ASCC3: variants seen among roughly 807,000 people sequenced by gnomAD.
ASCC3 encodes activating signal cointegrator 1 complex subunit 3.
Under a neutral mutation model 256.3 loss-of-function variants are expected in ASCC3, and 158 were observed. The ratio of observed to expected loss-of-function variants is 0.62; its 90% CI spans 0.54 to 0.70. The LOEUF is 0.70. Ranked by LOEUF, ASCC3 falls within the 30% of genes least tolerant of loss-of-function variation. The probability of loss-of-function intolerance (pLI) is 0.00; values close to 1 mark genes in which losing one functional copy is unlikely to be tolerated. For synonymous variants in ASCC3, 948 were observed against 883.4 expected, an observed-to-expected ratio of 1.07 and a Z score of -1.30; for missense variants, 2,259 against 2,626.0, an observed-to-expected ratio of 0.86 and a Z score of 3.05.
chr6:100,527,979 G>GT, intron 37 of ASCC3, among the ~76,000 whole-genome samples: 1 of 151,816 alleles, frequency 6.6e-6, no homozygotes, highest in South Asian at 2.1e-4. Context: ...GGGTCTACAG[G>GT]TGAGTGCCAC....
At chr6:100,547,644 T>C (rs867650902) in intron 36 of ASCC3, among the ~76,000 whole-genome samples, 11 of 151,920 alleles carry the variant, frequency 7.2e-5, no homozygotes, top group Middle Eastern at 3.4e-3. Flanking sequence ...ACATAGCAAG[T>C]GTTGGAGAGA....
At chr6:100,620,051 G>C (rs948776000) in intron 30 of ASCC3, among the ~76,000 whole-genome samples, 4 of 152,116 alleles carry the variant, frequency 2.6e-5, no homozygotes, top group Admixed American at 6.6e-5. Flanking sequence ...ATGAGTTTGA[G>C]GAGTGAAAGG....
chr6:100,686,352 T>C (rs935571372), intron 13 of ASCC3, among the ~76,000 whole-genome samples: 2 of 152,158 alleles, frequency 1.3e-5, no homozygotes, highest in African/African-American at 4.8e-5. Flanking sequence ...ATGTGCACAA[T>C]GTCTCTACCA....
chr6:100,728,365 G>A (rs1421370642), intron 10 of ASCC3, among the ~76,000 whole-genome samples: 1 of 151,932 alleles, frequency 6.6e-6, no homozygotes, highest in Non-Finnish European at 1.5e-5. Flanking sequence ...AGGATGTAGA[G>A]CAACTAGAAC....
At position 100,585,479 on chromosome 6, in the gene ASCC3, G is replaced by T. The variant is rs909747346; in HGVS notation, c.5550+4155C>A. ...TATTGGTTATTCTAGTTATACATTCGTCTAAATTTTTTTCAAAGTTTTCAG... is the reference window on the plus strand; with the variant it reads ...TATTGGTTATTCTAGTTATACATTCTTCTAAATTTTTTTCAAAGTTTTCAG... On this transcript the variant is annotated intron_variant, in intron 36 of 41. Transcript: ENST00000369162. Among the ~76,000 whole-genome samples, 116 of 152,110 alleles carry T rather than the reference G, an allele frequency of 7.6e-4. 2 individuals carry two copies. Among genetic ancestry groups the T allele is most frequent in the South Asian group, 4.8e-3 (23 of 4,816 alleles).
At chr6:100,547,883 T>A (rs896317682) in intron 36 of ASCC3, among the ~76,000 whole-genome samples, 1 of 151,016 alleles carries the variant, frequency 6.6e-6, no homozygotes, top group East Asian at 1.9e-4. Context: ...GAAAAAAAAA[T>A]CAGAAAAAAA....
intron 3 of ASCC3, among the ~76,000 whole-genome samples, chr6:100,852,858 T>C (rs1218438343): frequency 6.6e-6 from 1 of 152,086 alleles, no homozygotes; most frequent in Non-Finnish European, 1.5e-5. Context: ...AACTGTAATA[T>C]ATTTAAAAGG....
chr6:100,630,562 A>G (rs7356804), intron 26 of ASCC3, among the ~76,000 whole-genome samples: 66,583 of 150,890 alleles, frequency 0.44, 15,344 homozygotes, highest in East Asian at 0.68. Context: ...AGAGTAATAC[A>G]ATATTTTACA....
intron 13 of ASCC3, among the ~76,000 whole-genome samples, chr6:100,683,662 A>AATTT (rs1464060195): frequency 1.3e-5 from 2 of 152,146 alleles, no homozygotes; most frequent in African/African-American, 2.4e-5. Flanking sequence ...ACTTTTTGGT[A>AATTT]ACTGAGCAAC....
rs1418121821 is a variant in ASCC3, at chr6:100,509,081, TTTGA to T, written c.*301_*304del. The T allele has an allele frequency of 8.0e-6, 3 of 373,282 alleles. No homozygotes were observed. In the East Asian group the frequency reaches 1.9e-4, roughly 24 times the overall value. 23.1% of individuals were successfully genotyped at this position (373,282 alleles called of 1,614,324 possible). On this transcript the variant is annotated 3_prime_UTR_variant, in exon 42 of 42. Transcript: ENST00000369162. The stretch of plus-strand genomic sequence containing the variant: ...AAACAGTACATTGTGAGATGTAAAA[TTTGA>T]TTGATAGCTCCTAAATATCATCCCA...
intron 37 of ASCC3, chr6:100,530,492 C>A (rs1774814695): frequency 1.3e-6 from 1 of 788,204 alleles, no homozygotes; most frequent in Non-Finnish European, 2.3e-6. Context: ...ACAATAGAGA[C>A]AAAGATCCTC....
chr6:100,693,547 T>C (rs1354740202), intron 13 of ASCC3, among the ~76,000 whole-genome samples: 1 of 152,124 alleles, frequency 6.6e-6, no homozygotes, highest in Non-Finnish European at 1.5e-5. Context: ...TGAAACCATA[T>C]AGTACACCCA....
chr6:100,799,309 C>T, intron 7 of ASCC3, 122 bp downstream of exon 7: 1 of 1,119,364 alleles, frequency 8.9e-7, no homozygotes, highest in Admixed American at 2.0e-5. Context: ...TTCCCCAATA[C>T]TTTAAAATAA....
At chr6:100,543,955 T>C (rs547371707) in intron 36 of ASCC3, among the ~76,000 whole-genome samples, 20 of 151,924 alleles carry the variant, frequency 1.3e-4, no homozygotes, top group African/African-American at 4.4e-4. Flanking sequence ...TAGAGGGCCA[T>C]AAAAACAAAT....
intron 4 of ASCC3, among the ~76,000 whole-genome samples, chr6:100,835,632 G>T (rs901533148): frequency 1.3e-5 from 2 of 152,028 alleles, no homozygotes; most frequent in African/African-American, 4.8e-5. Flanking sequence ...TGGTCTCTGT[G>T]TCTATTTTTA....
intron 11 of ASCC3, among the ~76,000 whole-genome samples, chr6:100,723,064 A>G (rs1194782698): frequency 1.3e-5 from 2 of 151,714 alleles, no homozygotes; most frequent in Non-Finnish European, 3.0e-5. Flanking sequence ...TGATTTTGCT[A>G]GATGCTTTCA....
chr6:100,807,467 C>T (rs1770247281), intron 4 of ASCC3, among the ~76,000 whole-genome samples: 1 of 151,754 alleles, frequency 6.6e-6, no homozygotes, highest in Non-Finnish European at 1.5e-5. Context: ...TCCTAGAAGT[C>T]CCGGACACTT....
intron 1 of ASCC3, among the ~76,000 whole-genome samples, chr6:100,879,277 G>C (rs34555037): frequency 0.34 from 52,322 of 151,920 alleles, 10,672 homozygotes; most frequent in Middle Eastern, 0.49. Context: ...CTGTCATTTT[G>C]AGTTTTTATG....
At chr6:100,801,143 C>G (rs1769898312) in intron 5 of ASCC3, among the ~76,000 whole-genome samples, 1 of 152,002 alleles carries the variant, frequency 6.6e-6, no homozygotes, top group Admixed American at 6.6e-5. Context: ...CACTTTAGGT[C>G]TGTGGTTTGG....
Sources: allele counts gnomAD v4.1 joint callset (sites outside exome capture counted in the v4.1 genomes callset), GRCh38; gene constraint gnomAD v4.1.1; transcripts MANE v1.5; gene names NCBI Gene and HGNC (gene_info 2026-07-23, HGNC 2026-07-21).